Variants in IGFBP5 observed in about 807,000 individuals in gnomAD.
The protein encoded by IGFBP5 is insulin like growth factor binding protein 5.
Under a neutral mutation model 28.0 loss-of-function variants are expected in IGFBP5, and 12 were observed. That is an observed-to-expected ratio of 0.43 (90% CI 0.27 to 0.69). The LOEUF is 0.69. IGFBP5 is among the 30% of genes least tolerant of loss of function. The pLI is 0.20. For synonymous variants in IGFBP5, 152 were observed against 150.2 expected, an observed-to-expected ratio of 1.01 and a Z score of -0.09; for missense variants, 344 against 381.6, an observed-to-expected ratio of 0.90 and a Z score of 0.82.
chr2:216,684,302 T>G (rs935507839), intron 1 of IGFBP5, among the ~76,000 whole-genome samples: 3 of 152,204 alleles, frequency 2.0e-5, no homozygotes, highest in Non-Finnish European at 4.4e-5. Flanking sequence ...GCCTAAAATC[T>G]AAACCCCCCG....
chr2:216,686,223 A>C (rs974191115), intron 1 of IGFBP5, among the ~76,000 whole-genome samples: 11 of 152,344 alleles, frequency 7.2e-5, no homozygotes, highest in African/African-American at 2.6e-4. Context: ...AGCTGGGAAT[A>C]TATCTCTATC....
intron 1 of IGFBP5, among the ~76,000 whole-genome samples, chr2:216,685,891 G>A (rs760107846): frequency 7.9e-5 from 12 of 151,148 alleles, no homozygotes; most frequent in Non-Finnish European, 1.3e-4. Context: ...TTTGTTTTTT[G>A]TTTGTTTGTT....
In IGFBP5 at chr2:216,676,781, G is replaced by A; in HGVS notation, c.789C>T (p.Cys263=). The A allele has an allele frequency of 1.2e-6, 2 of 1,613,850 alleles. No homozygotes were observed. Among genetic ancestry groups the A allele is most frequent in the South Asian group, 2.2e-5 (2 of 91,062 alleles). ...GMEYVDGDFQ[C]HTFDSSNVE ...CAACGTTGCTGCTGTCGAAGGTGTG[G>A]CACTGAAAGTCCCCGTCAACGTACT... The change falls in exon 4 of 4, where the codon TGC becomes TGT. Residue 263 remains cysteine (C), a synonymous_variant. Coordinates refer to ENST00000233813, the MANE Select transcript of IGFBP5 (RefSeq NM_000599.4).
chr2:216,690,523 G>A (rs1375095724), intron 1 of IGFBP5, among the ~76,000 whole-genome samples: 1 of 152,182 alleles, frequency 6.6e-6, no homozygotes, highest in African/African-American at 2.4e-5. Context: ...CATTAAGGGG[G>A]CCAGGGCTTC....
rs11575145 is a variant in IGFBP5 at position 216,689,309 on chromosome 2, G to A, written c.337+5130C>T. On this transcript the variant is annotated intron_variant, in intron 1 of 3. Coordinates refer to ENST00000233813, the MANE Select transcript of IGFBP5 (RefSeq NM_000599.4). ...TTGGCGCATGGACCTGAAAGCTGGG[G>A]TGAACACCCCTCCTTCACACCCTCT... 2.6e-5 allele frequency among the ~76,000 whole-genome samples: 4 copies of A among 152,334 alleles called. No homozygotes were observed. In the East Asian group the frequency reaches 5.8e-4, roughly 22 times the overall value.
intron 1 of IGFBP5, among the ~76,000 whole-genome samples, chr2:216,683,649 C>T (rs1425862397): frequency 6.6e-6 from 1 of 152,136 alleles, no homozygotes; most frequent in Non-Finnish European, 1.5e-5. Context: ...TTCCAGACTT[C>T]CCCGCCCATG....
Position 216,676,841 on chromosome 2 carries a change from G to T in IGFBP5, c.729C>A (p.Cys243Ter). 1 of 1,613,952 alleles carries T rather than the reference G, an allele frequency of 6.2e-7. No homozygotes were observed. Among genetic ancestry groups the T allele is most frequent in the Non-Finnish European group, 8.5e-7 (1 of 1,179,898 alleles). Residue 243 changes from cysteine (C) to a stop codon, truncating the protein, a stop_gained, in exon 4 of 4, where the codon TGC (cysteine) becomes TGA (stop). Coordinates refer to ENST00000233813, the MANE Select transcript of IGFBP5 (RefSeq NM_000599.4). LOFTEE classifies it high-confidence loss of function. ...SRGRKRGICW[C>*]VDKYGMKLPG... Reference sequence around the variant, plus strand: ...GCAGCTTCATCCCGTACTTGTCCACGCACCAGCAGATGCCACGTTTGCGGC... The same window carrying T: ...GCAGCTTCATCCCGTACTTGTCCACTCACCAGCAGATGCCACGTTTGCGGC...
intron 1 of IGFBP5, among the ~76,000 whole-genome samples, chr2:216,682,799 C>T (rs1481066753): frequency 6.6e-6 from 1 of 151,852 alleles, no homozygotes; most frequent in Non-Finnish European, 1.5e-5. Context: ...AGCTCCGCCT[C>T]CTGGGTTTAC....
chr2:216,694,807 G>A lies in IGFBP5; in HGVS notation c.-32C>T, dbSNP rs1022271956. 11 of 1,357,540 alleles carry A rather than the reference G, an allele frequency of 8.1e-6. No individual in the cohort carries two copies. Among genetic ancestry groups the A allele is most frequent in the Non-Finnish European group, 9.5e-6 (10 of 1,052,332 alleles). 84.1% of individuals were successfully genotyped at this position (1,357,540 alleles called of 1,614,324 possible). ...TTAGTCGCCCCCTTTACCTCGGGGT[G>A]GGGCAGGAGAGCGAGAGTGCAGGGA... On this transcript the variant is annotated 5_prime_UTR_variant, in exon 1 of 4. Transcript: ENST00000233813. The surrounding 1 kb of genome is among the most constrained non-coding windows in gnomAD (Gnocchi z 5.2).
At chr2:216,687,873 G>C (rs934149463) in intron 1 of IGFBP5, among the ~76,000 whole-genome samples, 1 of 152,154 alleles carries the variant, frequency 6.6e-6, no homozygotes, top group Non-Finnish European at 1.5e-5. Flanking sequence ...TAGGGTTTAC[G>C]CTTCTCTCCT....
In IGFBP5 at chr2:216,672,225, T is replaced by C. The variant is rs1432223346; in HGVS notation, c.*4526A>G. ...CAGCAATCTTCACTTTTTAAGAAAA[T>C]GTGAGATCCTTTGTTGGTTTTTTAT... is the stretch of plus-strand genomic sequence containing the variant. On this transcript the variant is annotated 3_prime_UTR_variant, in exon 4 of 4. Transcript: ENST00000233813. 1 of 151,914 alleles carries C rather than the reference T, an allele frequency of 6.6e-6. No individual in the cohort carries two copies. Among genetic ancestry groups the C allele is most frequent in the African/African-American group, 2.4e-5 (1 of 41,326 alleles). 9.4% of individuals were successfully genotyped at this position (151,914 alleles called of 1,614,324 possible). A position where few individuals can be genotyped will look rare whatever the true frequency, so the allele number is the denominator to read the frequency against.
At chr2:216,690,878 GA>G (rs1346146257) in intron 1 of IGFBP5, among the ~76,000 whole-genome samples, 77 of 139,846 alleles carry the variant, frequency 5.5e-4, no homozygotes, top group Middle Eastern at 7.1e-3. Context: ...AAAGGTGGGG[GA>G]GGGGGGGCGG....
chr2:216,678,640 C>T, intron 2 of IGFBP5: 1 of 594,258 alleles, frequency 1.7e-6, no homozygotes, highest in Non-Finnish European at 3.0e-6. Flanking sequence ...CAAATGAGCA[C>T]CGCCTCTATT....
chr2:216,681,066 G>C (rs1355886379), intron 1 of IGFBP5, among the ~76,000 whole-genome samples: 1 of 152,156 alleles, frequency 6.6e-6, no homozygotes. Context: ...AGCATGGCTG[G>C]TTTGGGGACT....
intron 1 of IGFBP5, among the ~76,000 whole-genome samples, chr2:216,682,740 C>T (rs1374298349): frequency 1.3e-5 from 2 of 151,648 alleles, no homozygotes; most frequent in Non-Finnish European, 2.9e-5. Flanking sequence ...ACAGAGTCTC[C>T]TTCTGTCGCC....
rs1688889483 is a variant in IGFBP5 at position 216,675,716 on chromosome 2, C to T, written c.*1035G>A. On this transcript the variant is annotated 3_prime_UTR_variant, in exon 4 of 4. Coordinates refer to ENST00000233813, the MANE Select transcript of IGFBP5 (RefSeq NM_000599.4). The stretch of plus-strand genomic sequence containing the variant: ...AACTACTTTGAAAAGTTAATGCAAA[C>T]CTTTGAAAGAAAGGAAGAAAGAAAA... 1 of 151,916 alleles carries T rather than the reference C, an allele frequency of 6.6e-6. No individual in the cohort carries two copies. The highest frequency in any genetic ancestry group is 2.4e-5 in the African/African-American group (1 of 41,344). The allele number at this position is 151,916 out of a possible 1,614,324, so 9.4% of individuals were successfully genotyped here.
intron 2 of IGFBP5, 119 bp from the exon 3 acceptor site, chr2:216,678,350 G>T (rs571750607): frequency 1.9e-6 from 2 of 1,064,084 alleles, no homozygotes; most frequent in African/African-American, 1.6e-5. Context: ...ACCACCTTTG[G>T]TTCTAATCAT....
chr2:216,689,320 T>C (rs1689066571), intron 1 of IGFBP5, among the ~76,000 whole-genome samples: 1 of 152,168 alleles, frequency 6.6e-6, no homozygotes. Flanking sequence ...TGAACACCCC[T>C]CCTTCACACC....
chr2:216,693,737 A>AAT (rs1266814962), intron 1 of IGFBP5, among the ~76,000 whole-genome samples: 1 of 152,120 alleles, frequency 6.6e-6, no homozygotes. Flanking sequence ...CCTGGGATAA[A>AAT]ATAAAAGTCA....
Sources: gnomAD v4.1 joint callset for allele counts (sites outside exome capture counted in the v4.1 genomes callset) on GRCh38, gnomAD v4.1.1 for gene constraint, Gnocchi (gnomAD v3.1) non-coding constraint, MANE v1.5 for transcripts, NCBI Gene and HGNC (gene_info 2026-07-23, HGNC 2026-07-21) for gene names.